The following RASSF3 variants were observed in gnomAD, a reference collection of about 807,000 sequenced individuals.
The protein encoded by RASSF3 is Ras association domain family member 3, also known as ras association domain-containing protein 3.
A neutral mutation model predicts 19.9 loss-of-function variants in RASSF3; 19 were observed. That is an observed-to-expected ratio of 0.96 (90% confidence interval 0.67 to 1.40). The LOEUF is 1.40. Ranked by LOEUF, RASSF3 falls within the 40% of genes most tolerant of loss-of-function variation. RASSF3 has a pLI of 0.00. For missense variants in RASSF3, 306 were observed against 289.8 expected (o/e 1.06, Z -0.41); for synonymous variants, 110 against 104.2 (o/e 1.06, Z -0.34).
chr12:64,507,435 G>T, intron 1 of RASSF3: 1 of 396,754 alleles, frequency 2.5e-6, no homozygotes, highest in East Asian at 3.6e-5. Context: ...GAGTGGGAAA[G>T]AAAAGTCTTG....
Position 64,554,859 on chromosome 12 carries a change from T to C in RASSF3, c.294+13154T>C, listed in dbSNP as rs543232311. ...CATTGTATTCTCAGTCCCTGGCACA[T>C]AGTGGAGGCTCAATTAATATTTGTT... On this transcript the variant is annotated intron_variant, in intron 2 of 5. Transcript: ENST00000637125. Among the ~76,000 whole-genome samples, 8 of 152,320 alleles carry C rather than the reference T, an allele frequency of 5.3e-5. No individual in the cohort carries two copies. The South Asian group carries it at 1.7e-3, about 32-fold the overall frequency.
At chr12:64,662,104 G>T (rs1233560481) in intron 1 of RASSF3, among the ~76,000 whole-genome samples, 1 of 152,028 alleles carries the variant, frequency 6.6e-6, no homozygotes, top group African/African-American at 2.4e-5. Flanking sequence ...GTGGAGCTCA[G>T]ATTCTTGTTG....
chr12:64,530,248 A>C (rs922023015), upstream of RASSF3, among the ~76,000 whole-genome samples: 1 of 151,954 alleles, frequency 6.6e-6, no homozygotes, highest in African/African-American at 2.4e-5. Context: ...ATAATTATCC[A>C]TATTGCATGT....
intron 2 of RASSF3, among the ~76,000 whole-genome samples, chr12:64,566,401 A>G (rs143508393): frequency 6.6e-6 from 1 of 152,198 alleles, no homozygotes; most frequent in Non-Finnish European, 1.5e-5. Context: ...CCAAAGCAGA[A>G]CTCATTGGAA....
chr12:64,529,536 T>A (rs528076248), upstream of RASSF3, among the ~76,000 whole-genome samples: 1 of 152,272 alleles, frequency 6.6e-6, no homozygotes, highest in East Asian at 1.9e-4. Context: ...CTGAGAGCCA[T>A]CCTGCAACCA....
At chr12:64,581,396 T>A (rs749952226) in intron 2 of RASSF3, among the ~76,000 whole-genome samples, 6 of 152,200 alleles carry the variant, frequency 3.9e-5, no homozygotes, top group Non-Finnish European at 7.3e-5. Flanking sequence ...ACAGGTAAAG[T>A]GCTCTTTTGA....
intron 1 of RASSF3, among the ~76,000 whole-genome samples, chr12:64,513,088 T>A (rs2136098624): frequency 6.6e-6 from 1 of 152,198 alleles, no homozygotes; most frequent in Non-Finnish European, 1.5e-5. Context: ...TGAGAAATGT[T>A]CTCAGAGACT....
chr12:64,614,699 C>CT lies in RASSF3; in HGVS notation c.111+3972dup, dbSNP rs11334564. ...AGTTTCTTAAAATTTCTTTTCTTTT[C>CT]TTTTTTTTTTTTTTTTGAGATAGAT... On this transcript the variant is annotated intron_variant, in intron 1 of 4. Transcript: ENST00000542104. Among the ~76,000 whole-genome samples, 91 of 129,468 alleles carry CT rather than the reference C, an allele frequency of 7.0e-4. 1 individual carries two copies. The East Asian group carries it at 8.6e-3, about 12-fold the overall frequency. The allele number at this position is 129,468 out of a possible 152,430, so 84.9% of individuals were successfully genotyped here.
intron 2 of RASSF3, among the ~76,000 whole-genome samples, chr12:64,604,383 C>T (rs563615710): frequency 3.9e-5 from 6 of 152,348 alleles, no homozygotes; most frequent in Non-Finnish European, 7.3e-5. Flanking sequence ...GCCTCAGCCT[C>T]TCCAAATGGT....
intron 2 of RASSF3, among the ~76,000 whole-genome samples, chr12:64,591,432 C>T (rs934552861): frequency 3.3e-5 from 5 of 151,692 alleles, no homozygotes; most frequent in East Asian, 1.9e-4. Context: ...GCCGAGATCC[C>T]GCCACTGCAC....
At chr12:64,570,116 G>C (rs1238503122) in intron 2 of RASSF3, among the ~76,000 whole-genome samples, 1 of 152,126 alleles carries the variant, frequency 6.6e-6, no homozygotes, top group East Asian at 1.9e-4. Context: ...GGCTGTTTCA[G>C]ATTTGACCTT....
At chr12:64,651,061 G>A (rs1363506290) in intron 1 of RASSF3, among the ~76,000 whole-genome samples, 1 of 152,050 alleles carries the variant, frequency 6.6e-6, no homozygotes. Context: ...ATAGATTTGA[G>A]ATTAGTGTTT....
chr12:64,573,519 T>G (rs1024401285), intron 2 of RASSF3, among the ~76,000 whole-genome samples: 2 of 152,240 alleles, frequency 1.3e-5, no homozygotes, highest in African/African-American at 2.4e-5. Flanking sequence ...AAGCTTTTAC[T>G]AGGTGCCACA....
chr12:64,671,539 A>G (rs1438008254), intron 1 of RASSF3, among the ~76,000 whole-genome samples: 13 of 152,222 alleles, frequency 8.5e-5, no homozygotes. Flanking sequence ...TCTGCAGCAA[A>G]GAGTACCTCT....
At chr12:64,547,602 C>T (rs527621028) in intron 2 of RASSF3, among the ~76,000 whole-genome samples, 4 of 151,158 alleles carry the variant, frequency 2.6e-5, no homozygotes, top group Admixed American at 6.6e-5. Context: ...GAAGGAAGGA[C>T]GGAAGGAAGG....
chr12:64,672,699 G>A (rs1310527931), intron 1 of RASSF3, among the ~76,000 whole-genome samples: 3 of 152,074 alleles, frequency 2.0e-5, no homozygotes, highest in East Asian at 1.9e-4. Context: ...TTGTTCAGAC[G>A]GTGGGGAGGC....
At chr12:64,568,072 C>G (rs758045825) in intron 2 of RASSF3, among the ~76,000 whole-genome samples, 7 of 152,170 alleles carry the variant, frequency 4.6e-5, no homozygotes, top group Non-Finnish European at 8.8e-5. Context: ...CGCTCTGTTG[C>G]CCAGGCTGGA....
intron 1 of RASSF3, among the ~76,000 whole-genome samples, chr12:64,669,234 G>T (rs990159607): frequency 3.3e-5 from 5 of 152,182 alleles, no homozygotes; most frequent in African/African-American, 1.2e-4. Context: ...GACTCTATAT[G>T]AACAAGTTCC....
chr12:64,679,431 T>C (rs894354254), intron 1 of RASSF3, among the ~76,000 whole-genome samples: 1 of 152,256 alleles, frequency 6.6e-6, no homozygotes, highest in African/African-American at 2.4e-5. Context: ...AATTTTGATA[T>C]AATTTCACAG....
Sources: allele counts gnomAD v4.1 joint callset (sites outside exome capture counted in the v4.1 genomes callset), GRCh38; gene constraint gnomAD v4.1.1; transcripts MANE v1.5; gene names NCBI Gene and HGNC (gene_info 2026-07-23, HGNC 2026-07-21).